Variants in DOCK2 observed in about 807,000 individuals in gnomAD.
The protein encoded by DOCK2 is dedicator of cytokinesis protein 2.
Under a neutral mutation model 248.9 loss-of-function variants are expected in DOCK2, and 87 were observed. That is an observed-to-expected ratio of 0.35 (90% CI 0.29 to 0.42). The LOEUF (loss-of-function observed/expected upper bound fraction) is 0.42. DOCK2 is among the 10% of genes least tolerant of loss of function. The probability of loss-of-function intolerance (pLI) is 1.00; values close to 1 mark genes in which losing one functional copy is unlikely to be tolerated. For synonymous variants in DOCK2, 805 were observed against 821.6 expected, an observed-to-expected ratio of 0.98 and a Z score of 0.35; for missense variants, 1,747 against 2,300.2, an observed-to-expected ratio of 0.76 and a Z score of 4.92.
intron 26 of DOCK2, among the ~76,000 whole-genome samples, chr5:169,817,234 A>G (rs771294065): frequency 2.6e-5 from 4 of 152,220 alleles, no homozygotes; most frequent in Non-Finnish European, 5.9e-5. Context: ...AGAATTTAGC[A>G]CTTAATTATA....
At chr5:169,797,286 G>A (rs950608139) in intron 25 of DOCK2, among the ~76,000 whole-genome samples, 3 of 152,220 alleles carry the variant, frequency 2.0e-5, no homozygotes, top group Non-Finnish European at 4.4e-5. Context: ...GGCTGTGATT[G>A]CAGATGTGAT....
chr5:169,882,474 A>G (rs1772711364), intron 27 of DOCK2: 3 of 1,260,702 alleles, frequency 2.4e-6, no homozygotes, highest in Non-Finnish European at 3.2e-6. Context: ...TTACTAAAAG[A>G]AACCAAAGCT....
At chr5:169,934,922 G>A (rs1775920387) in intron 27 of DOCK2, 1 of 332,630 alleles carries the variant, frequency 3.0e-6, no homozygotes, top group Non-Finnish European at 5.9e-6. Context: ...ACAATGACCT[G>A]AGAAAGTAGT....
At chr5:169,761,220 T>G (rs1233443653) in intron 24 of DOCK2, 1 of 252,024 alleles carries the variant, frequency 4.0e-6, no homozygotes, top group Non-Finnish European at 7.6e-6. Context: ...TGTATATAGC[T>G]TGTAGAGTTA....
chr5:169,962,618 C>T (rs1178180431), intron 27 of DOCK2, among the ~76,000 whole-genome samples: 1 of 152,056 alleles, frequency 6.6e-6, no homozygotes, highest in Non-Finnish European at 1.5e-5. Flanking sequence ...GTGGGTTAGA[C>T]AAAGAGGTTA....
intron 27 of DOCK2, among the ~76,000 whole-genome samples, chr5:169,949,036 C>A (rs1465449146): frequency 6.6e-6 from 1 of 152,196 alleles, no homozygotes; most frequent in Non-Finnish European, 1.5e-5. Context: ...ACCTTAGAAT[C>A]ACCACGTTCC....
chr5:169,785,422 T>C (rs1454806795), intron 25 of DOCK2, among the ~76,000 whole-genome samples: 1 of 152,182 alleles, frequency 6.6e-6, no homozygotes, highest in Non-Finnish European at 1.5e-5. Flanking sequence ...TCAAATATTT[T>C]CCCACTATTA....
intron 30 of DOCK2, among the ~76,000 whole-genome samples, chr5:170,008,228 A>C (rs57105581): frequency 0.025 from 2,571 of 101,302 alleles, 32 homozygotes; most frequent in Middle Eastern, 0.073. Context: ...ACAACAACAA[A>C]AAAAAAAAAA....
chr5:170,005,068 A>T (rs952475833), intron 30 of DOCK2, among the ~76,000 whole-genome samples: 3 of 44,060 alleles, frequency 6.8e-5, no homozygotes, highest in South Asian at 5.0e-4. Flanking sequence ...AAAGTATAAT[A>T]AAAAAAAAAA....
intron 27 of DOCK2, among the ~76,000 whole-genome samples, chr5:169,854,905 G>T (rs1223322615): frequency 1.3e-5 from 2 of 152,188 alleles, no homozygotes; most frequent in Admixed American, 6.5e-5. Context: ...ATGTGCTCTG[G>T]GTACTTGGAG....
chr5:169,993,299 T>C (rs573928428), intron 29 of DOCK2, among the ~76,000 whole-genome samples: 1 of 152,204 alleles, frequency 6.6e-6, no homozygotes, highest in Non-Finnish European at 1.5e-5. Flanking sequence ...TTTCTGTTTT[T>C]GTATGGTGCT....
At chr5:169,835,124 CA>C (rs1769480009) in intron 26 of DOCK2, among the ~76,000 whole-genome samples, 1 of 151,808 alleles carries the variant, frequency 6.6e-6, no homozygotes, top group African/African-American at 2.4e-5. Context: ...ATGAGAATGG[CA>C]TTTGCATATT....
intron 27 of DOCK2, among the ~76,000 whole-genome samples, chr5:169,904,207 AG>A (rs1425990354): frequency 6.6e-6 from 1 of 152,106 alleles, no homozygotes; most frequent in African/African-American, 2.4e-5. Context: ...GCCTTTGGCA[AG>A]AAGCCTGATG....
At chr5:170,007,897 G>A (rs1372594951) in intron 30 of DOCK2, among the ~76,000 whole-genome samples, 3 of 152,112 alleles carry the variant, frequency 2.0e-5, no homozygotes, top group South Asian at 2.1e-4. Context: ...TCTAGGCAGC[G>A]GCCAGAGAAT....
chr5:169,706,200 G>A (rs1267743594), intron 14 of DOCK2, among the ~76,000 whole-genome samples: 1 of 152,198 alleles, frequency 6.6e-6, no homozygotes, highest in African/African-American at 2.4e-5. Flanking sequence ...ACAGTTTTGT[G>A]AGATCCAGTT....
chr5:169,801,167 T>G (rs1453212054), intron 25 of DOCK2, among the ~76,000 whole-genome samples: 12 of 133,732 alleles, frequency 9.0e-5, no homozygotes, highest in Non-Finnish European at 1.5e-4. Flanking sequence ...TTTTTTTTTT[T>G]TTTTTTTTTT....
chr5:169,935,042 A>G (rs915187209), intron 27 of DOCK2, among the ~76,000 whole-genome samples: 5 of 152,220 alleles, frequency 3.3e-5, no homozygotes, highest in Non-Finnish European at 5.9e-5. Flanking sequence ...GGGAAAATTA[A>G]TAGAAAGAGC....
At chr5:169,963,259 G>A (rs895115177) in intron 27 of DOCK2, among the ~76,000 whole-genome samples, 1 of 152,076 alleles carries the variant, frequency 6.6e-6, no homozygotes, top group Non-Finnish European at 1.5e-5. Flanking sequence ...CTGATGAGAT[G>A]GATGATGACA....
At position 169,717,392 on chromosome 5, in the gene DOCK2, A is replaced by G. The variant is rs1481684672; in HGVS notation, c.2040A>G (p.Ile680Met). ...CCTTGCATCTTCCTCAGATTTACAT[A>G]ATAGGACTCATTGCAGACCGGAAAT... ...DILVFDALIYIIGLIADRKFQ... is the reference protein window; with the variant it reads ...DILVFDALIYMIGLIADRKFQ... The change falls in exon 21 of 52, where the codon ATA (isoleucine) becomes ATG (methionine). Residue 680 changes from isoleucine (I) to methionine (M), a missense_variant. Ile to Met is a conservative substitution (Grantham distance 10). This residue lies in a region of DOCK2 where 858 missense variants were observed against 1,183.5 expected (regional missense o/e 0.72). Transcript: ENST00000520908. 10 of 1,613,780 alleles carry G rather than the reference A, an allele frequency of 6.2e-6. No individual in the cohort carries two copies. The highest frequency in any genetic ancestry group is 8.5e-6 in the Non-Finnish European group (10 of 1,179,740).
Sources: allele counts gnomAD v4.1 joint callset (sites outside exome capture counted in the v4.1 genomes callset), GRCh38; gene constraint gnomAD v4.1.1; regional missense constraint gnomAD v4.1.1; transcripts MANE v1.5; gene names NCBI Gene and HGNC (gene_info 2026-07-23, HGNC 2026-07-21).